INPP4B: variants seen among roughly 807,000 people sequenced by gnomAD.
INPP4B encodes inositol polyphosphate 4-phosphatase type II.
INPP4B carries 55 observed loss-of-function variants against 122.5 expected under a neutral mutation model. The ratio of observed to expected loss-of-function variants is 0.45; its 90% confidence interval spans 0.36 to 0.56. The LOEUF (loss-of-function observed/expected upper bound fraction) is 0.56, where lower values mean the gene tolerates loss of function less well. Ranked by LOEUF, INPP4B falls within the 20% of genes least tolerant of loss-of-function variation. The pLI, the probability that INPP4B is intolerant of heterozygous loss-of-function variation, is 0.00. For synonymous variants in INPP4B, 403 were observed against 388.7 expected, an observed-to-expected ratio of 1.04 and a Z score of -0.43; for missense variants, 1,000 against 1,097.7, an observed-to-expected ratio of 0.91 and a Z score of 1.26.
At chr4:142,623,995 TC>T (rs1461487818) in intron 2 of INPP4B, among the ~76,000 whole-genome samples, 4 of 152,138 alleles carry the variant, frequency 2.6e-5, no homozygotes, top group Non-Finnish European at 5.9e-5. Flanking sequence ...TGGTTCCAAG[TC>T]TTTGCTATCG....
chr4:142,785,012 C>G (rs1341989791), intron 1 of INPP4B, among the ~76,000 whole-genome samples: 1 of 152,100 alleles, frequency 6.6e-6, no homozygotes. Flanking sequence ...ACTCCCTACT[C>G]AAACCTGTAC....
At chr4:142,689,822 CT>C (rs1435757585) in intron 2 of INPP4B, among the ~76,000 whole-genome samples, 1 of 152,106 alleles carries the variant, frequency 6.6e-6, no homozygotes, top group African/African-American at 2.4e-5. Context: ...TTATGCGCAG[CT>C]AATTCTTTTT....
At chr4:142,431,138 C>T (rs780263901) in intron 4 of INPP4B, 31 bp downstream of exon 4, 2 of 1,550,442 alleles carry the variant, frequency 1.3e-6, no homozygotes, top group South Asian at 1.1e-5. Flanking sequence ...TCTTTAGATG[C>T]AAAAACAGGG....
intron 5 of INPP4B, among the ~76,000 whole-genome samples, chr4:142,410,931 C>T (rs1369666810): frequency 6.6e-6 from 1 of 151,896 alleles, no homozygotes; most frequent in Admixed American, 6.6e-5. Context: ...TAAAGTTATT[C>T]TTTTTTCAAT....
intron 17 of INPP4B, among the ~76,000 whole-genome samples, chr4:142,159,561 C>T (rs1285194116): frequency 7.8e-6 from 1 of 127,710 alleles, no homozygotes; most frequent in East Asian, 2.1e-4. Flanking sequence ...TAACTAAAAG[C>T]TTAACATCTA....
chr4:142,146,856 T>G (rs1811028994), intron 17 of INPP4B, among the ~76,000 whole-genome samples: 1 of 152,236 alleles, frequency 6.6e-6, no homozygotes, highest in South Asian at 2.1e-4. Context: ...AGAAGCAGCC[T>G]GTACCACTAA....
At chr4:142,159,723 A>G (rs1456479850) in intron 17 of INPP4B, among the ~76,000 whole-genome samples, 1 of 151,942 alleles carries the variant, frequency 6.6e-6, no homozygotes, top group African/African-American at 2.4e-5. Context: ...CTGCCATGGT[A>G]CACCTTCACG....
At chr4:142,724,958 ATATAC>A (rs1765150260) in intron 2 of INPP4B, among the ~76,000 whole-genome samples, 1 of 152,100 alleles carries the variant, frequency 6.6e-6, no homozygotes, top group African/African-American at 2.4e-5. Flanking sequence ...CATTTCATTA[ATATAC>A]TATATATGTT....
At chr4:142,594,157 T>C (rs1024745261) in intron 2 of INPP4B, among the ~76,000 whole-genome samples, 5 of 152,290 alleles carry the variant, frequency 3.3e-5, no homozygotes, top group African/African-American at 7.2e-5. Context: ...TTGTAAACAA[T>C]GTTGGAAAAT....
intron 2 of INPP4B, among the ~76,000 whole-genome samples, chr4:142,523,282 G>A (rs568525575): frequency 5.7e-4 from 86 of 152,156 alleles, no homozygotes; most frequent in African/African-American, 2.0e-3. Flanking sequence ...CAGATAATTC[G>A]AATGCATACT....
At chr4:142,844,735 C>A (rs554550813) in intron 1 of INPP4B, among the ~76,000 whole-genome samples, 1 of 152,246 alleles carries the variant, frequency 6.6e-6, no homozygotes, top group African/African-American at 2.4e-5. Context: ...GTTGATGATT[C>A]CTTGCACCTT....
intron 2 of INPP4B, among the ~76,000 whole-genome samples, chr4:142,530,158 G>C (rs1176952555): frequency 6.6e-6 from 1 of 152,036 alleles, no homozygotes; most frequent in African/African-American, 2.4e-5. Flanking sequence ...ATTAGTTTTT[G>C]TTGCTGCTGA....
intron 1 of INPP4B, among the ~76,000 whole-genome samples, chr4:142,798,534 T>C (rs2151084135): frequency 6.6e-6 from 1 of 151,944 alleles, no homozygotes; most frequent in East Asian, 1.9e-4. Context: ...GAGGTGCTAA[T>C]ACCCCCCAAA....
intron 7 of INPP4B, among the ~76,000 whole-genome samples, chr4:142,378,186 T>C (rs1792716688): frequency 6.6e-6 from 1 of 152,154 alleles, no homozygotes; most frequent in East Asian, 1.9e-4. Flanking sequence ...AGATAACTTG[T>C]CCAAAGTCAC....
At chr4:142,743,958 A>G (rs981707838) in intron 1 of INPP4B, among the ~76,000 whole-genome samples, 1 of 152,008 alleles carries the variant, frequency 6.6e-6, no homozygotes, top group African/African-American at 2.4e-5. Flanking sequence ...ATAAGCCATC[A>G]AAAGAAACTG....
At chr4:142,546,525 G>A (rs755028160) in intron 2 of INPP4B, among the ~76,000 whole-genome samples, 45 of 152,144 alleles carry the variant, frequency 3.0e-4, no homozygotes, top group Admixed American at 7.9e-4. Context: ...ATGAAGAACA[G>A]ATGTCAGAAT....
chr4:142,527,287 A>G (rs966146309), intron 2 of INPP4B, among the ~76,000 whole-genome samples: 4 of 151,908 alleles, frequency 2.6e-5, no homozygotes, highest in African/African-American at 7.2e-5. Context: ...TATTTAAATC[A>G]TATTCAAATT....
intron 5 of INPP4B, among the ~76,000 whole-genome samples, chr4:142,415,729 A>G (rs1579996531): frequency 6.6e-6 from 1 of 152,202 alleles, no homozygotes; most frequent in Non-Finnish European, 1.5e-5. Context: ...CACTATTCAC[A>G]ATAGCAAAGA....
intron 2 of INPP4B, among the ~76,000 whole-genome samples, chr4:142,561,993 T>C (rs1730580077): frequency 6.6e-6 from 1 of 152,156 alleles, no homozygotes; most frequent in Non-Finnish European, 1.5e-5. Context: ...TTTTTCTTTT[T>C]TCCTTTTTTC....
Sources: allele counts gnomAD v4.1 joint callset (sites outside exome capture counted in the v4.1 genomes callset), GRCh38; gene constraint gnomAD v4.1.1; transcripts MANE v1.5; gene names NCBI Gene and HGNC (gene_info 2026-07-23, HGNC 2026-07-21).